SENP3: variants seen among roughly 807,000 people sequenced by gnomAD.
SENP3 encodes sentrin-specific protease 3.
Under a neutral mutation model 66.2 loss-of-function variants are expected in SENP3, and 11 were observed. The observed-to-expected ratio is 0.17, with a 90% CI of 0.10 to 0.28. The LOEUF (loss-of-function observed/expected upper bound fraction) is 0.28. Among genes scored for constraint, SENP3 ranks in the 10% least tolerant of loss-of-function variants. The pLI is 1.00. For synonymous variants in SENP3, 292 were observed against 277.6 expected (o/e 1.05, Z -0.52); for missense variants, 548 against 743.7 (o/e 0.74, Z 3.06).
chr17:7,566,222 T>TCC (rs2071266529), intron 6 of SENP3, among the ~76,000 whole-genome samples: 1 of 150,886 alleles, frequency 6.6e-6, no homozygotes, highest in African/African-American at 2.4e-5. Context: ...ATGCCTATAA[T>TCC]CCCAGTTACT....
Position 7,564,947 on chromosome 17 carries a change from C to G in SENP3, c.956-12C>G, listed in dbSNP as rs2071256463. On this transcript the variant is annotated splice_polypyrimidine_tract_variant and intron_variant, in intron 3 of 10. Transcript: ENST00000321337. ...TGGAGGCCTCACCCCCTCCTCTCTC[C>G]CTTTCCACCAGGCATCTTGGACGAA... 2 of 1,612,024 alleles carry G rather than the reference C, an allele frequency of 1.2e-6. No individual in the cohort carries two copies. Among genetic ancestry groups the G allele is most frequent in the South Asian group, 1.1e-5 (1 of 91,046 alleles).
intron 4 of SENP3, 43 bp from the exon 5 acceptor site, chr17:7,565,397 A>G: frequency 6.2e-7 from 1 of 1,607,560 alleles, no homozygotes; most frequent in Non-Finnish European, 8.5e-7. Context: ...TGTGTGCCCC[A>G]GCTGCATCAT....
At chr17:7,567,897 T>G (rs544384896) in intron 7 of SENP3, among the ~76,000 whole-genome samples, 162 of 152,112 alleles carry the variant, frequency 1.1e-3, no homozygotes, top group African/African-American at 2.0e-3. Flanking sequence ...AATGACAGAT[T>G]GAAAGGGGGG....
At chr17:7,565,794 G>A in intron 6 of SENP3, 30 bp downstream of exon 6, 1 of 1,606,798 alleles carries the variant, frequency 6.2e-7, no homozygotes, top group Non-Finnish European at 8.5e-7. Context: ...TCAGTACCCA[G>A]AGGAACTTCT....
At position 7,570,956 on chromosome 17, in the gene SENP3, T is replaced by A. The variant is rs1158555164; in HGVS notation, c.1614+23T>A. Reference sequence around the variant, plus strand: ...CAGGTAAGCAGATGATGGGGCCACCTCCCCTAGCTCTGAAGTCAGTTGGGT... The same window carrying A: ...CAGGTAAGCAGATGATGGGGCCACCACCCCTAGCTCTGAAGTCAGTTGGGT... On this transcript the variant is annotated intron_variant, in intron 10 of 10. Coordinates refer to ENST00000321337, the MANE Select transcript of SENP3 (RefSeq NM_015670.6). The surrounding 1 kb of genome is among the most constrained non-coding windows in gnomAD (Gnocchi z 5.4). 1 of 1,608,766 alleles carries A rather than the reference T, an allele frequency of 6.2e-7. No homozygotes were observed. Among genetic ancestry groups the A allele is most frequent in the South Asian group, 1.1e-5 (1 of 90,408 alleles).
In SENP3 at chr17:7,563,901, G is replaced by A. The variant is rs1035619812; in HGVS notation, c.715+110G>A. ...TGAGAGCTGGGCTTAAGGAAAGTAG[G>A]ATGGAAGAGTGCCGGCTCCAGAAGA... is the stretch of plus-strand genomic sequence containing the variant. On this transcript the variant is annotated intron_variant, in intron 2 of 10. Coordinates refer to ENST00000321337, the MANE Select transcript of SENP3 (RefSeq NM_015670.6). 6.4e-6 allele frequency: 6 copies of A among 942,140 alleles called. No individual in the cohort carries two copies. The African/African-American group carries it at 8.4e-5, about 13-fold the overall frequency. The allele number at this position is 942,140 out of a possible 1,614,324, so 58.4% of individuals were successfully genotyped here.
intron 7 of SENP3, among the ~76,000 whole-genome samples, chr17:7,567,705 G>A (rs2071278872): frequency 1.3e-5 from 2 of 152,140 alleles, no homozygotes; most frequent in Non-Finnish European, 2.9e-5. Context: ...GGGCTTGTGG[G>A]GGTGACCTGT....
chr17:7,571,298 A>G (rs1194290631), intron 10 of SENP3, 75 bp from the exon 11 acceptor site: 1 of 1,111,256 alleles, frequency 9.0e-7, no homozygotes, highest in African/African-American at 1.5e-5. Flanking sequence ...AAGGATGGAG[A>G]CACATCTCAT....
rs4602096 is a variant in SENP3 at position 7,570,139 on chromosome 17, C to T, written c.1342-217C>T. 6.6e-6 allele frequency among the ~76,000 whole-genome samples: 1 copy of T among 151,852 alleles called. No homozygotes were observed. The highest frequency in any genetic ancestry group is 2.4e-5 in the African/African-American group (1 of 41,286). Reference sequence around the variant, plus strand: ...AAGCGCCTGCCCATCATGGGTTCTCCAGTGTTCGTTCTGATGTCTCCTCCA... The same window carrying T: ...AAGCGCCTGCCCATCATGGGTTCTCTAGTGTTCGTTCTGATGTCTCCTCCA... On this transcript the variant is annotated intron_variant, in intron 7 of 10. Coordinates refer to ENST00000321337, the MANE Select transcript of SENP3 (RefSeq NM_015670.6). This position sits in a 1 kb window ranked among gnomAD's most constrained non-coding sequence, Gnocchi z 5.4.
At chr17:7,568,401 G>A (rs2071284384) in intron 7 of SENP3, among the ~76,000 whole-genome samples, 1 of 152,210 alleles carries the variant, frequency 6.6e-6, no homozygotes, top group Non-Finnish European at 1.5e-5. Flanking sequence ...ATTGAGACCA[G>A]CCTGGCCGAC....
intron 7 of SENP3, among the ~76,000 whole-genome samples, chr17:7,568,142 A>G (rs1281868974): frequency 1.3e-5 from 2 of 150,942 alleles, no homozygotes; most frequent in African/African-American, 4.9e-5. Flanking sequence ...TGTGCTGATG[A>G]GTTGATTCAT....
At position 7,565,557 on chromosome 17, in the gene SENP3, C is replaced by G. The variant is rs751546337; in HGVS notation, c.1185C>G (p.Thr395=). 8 of 1,613,870 alleles carry G rather than the reference C, an allele frequency of 5.0e-6. No homozygotes were observed. Among genetic ancestry groups the G allele is most frequent in the Non-Finnish European group, 6.8e-6 (8 of 1,179,860 alleles). ...TGCTGACCATGGATGACTTGGGGAC[C>G]TTGTATGGACAGAACTGGCTCAATG... is the stretch of plus-strand genomic sequence containing the variant. ...RHVLTMDDLG[T]LYGQNWLNDQ... Residue 395 remains threonine (T), a synonymous_variant, in exon 5 of 11, where the codon ACC becomes ACG. Transcript: ENST00000321337.
rs761030262 is a variant in SENP3, at chr17:7,564,955, C to T, written c.956-4C>T. 26 of 1,612,000 alleles carry T rather than the reference C, an allele frequency of 1.6e-5. No individual in the cohort carries two copies. Among genetic ancestry groups the T allele is most frequent in the Non-Finnish European group, 8.5e-7 (1 of 1,178,306 alleles). ...TCACCCCCTCCTCTCTCCCTTTCCA[C>T]CAGGCATCTTGGACGAATTCCTTCA... On this transcript the variant is annotated splice_region_variant and splice_polypyrimidine_tract_variant and intron_variant, in intron 3 of 10. Coordinates refer to ENST00000321337, the MANE Select transcript of SENP3 (RefSeq NM_015670.6).
Position 7,571,769 on chromosome 17 carries a change from G to C in SENP3, c.*286G>C, listed in dbSNP as rs556372869. 4 of 197,222 alleles carry C rather than the reference G, an allele frequency of 2.0e-5. No individual in the cohort carries two copies. The highest frequency in any genetic ancestry group is 4.1e-5 in the Non-Finnish European group (4 of 98,020). 12.2% of individuals were successfully genotyped at this position (197,222 alleles called of 1,614,324 possible). ...TCATCCTCCCCCTTCCCCGTGCAGG[G>C]AGCAGGAAATCAGTGCTGGGGGTGG... On this transcript the variant is annotated 3_prime_UTR_variant, in exon 11 of 11. Coordinates refer to ENST00000321337, the MANE Select transcript of SENP3 (RefSeq NM_015670.6).
Position 7,563,413 on chromosome 17 carries a change from C to G in SENP3, c.337C>G (p.Pro113Ala). The change falls in exon 2 of 11, where the codon CCT becomes GCT. Residue 113 changes from proline to alanine, a missense_variant. By Grantham distance (27) the Pro-to-Ala change is conservative. Around this residue, in one of 6 missense-constraint regions of SENP3, gnomAD observed 164 missense variants for 167.9 expected, o/e 0.98. Coordinates refer to ENST00000321337, the MANE Select transcript of SENP3 (RefSeq NM_015670.6). ...SQLGTSQRPR[P>A]SRPTHRKTCS... is the part of the protein sequence containing the mutation. Reference sequence around the variant, plus strand: ...GCTGGGAACCTCCCAGCGGCCCCGCCCTTCCCGCCCCACTCATCGAAAAAC... The same window carrying G: ...GCTGGGAACCTCCCAGCGGCCCCGCGCTTCCCGCCCCACTCATCGAAAAAC... 6.5e-7 allele frequency: 1 copy of G among 1,538,410 alleles called. No homozygotes were observed.
intron 10 of SENP3, among the ~76,000 whole-genome samples, chr17:7,571,160 G>C (rs1381923518): frequency 6.6e-6 from 1 of 152,170 alleles, no homozygotes; most frequent in African/African-American, 2.4e-5. Flanking sequence ...AGAGCTCCCT[G>C]CTAACCTCCA....
chr17:7,570,667 C>G lies in SENP3; in HGVS notation c.1480-14C>G. The G allele has an allele frequency of 6.2e-7, 1 of 1,610,194 alleles. No homozygotes were observed. The highest frequency in any genetic ancestry group is 8.5e-7 in the Non-Finnish European group (1 of 1,177,950). On this transcript the variant is annotated splice_polypyrimidine_tract_variant and intron_variant, in intron 8 of 10. Coordinates refer to ENST00000321337, the MANE Select transcript of SENP3 (RefSeq NM_015670.6). This position sits in a 1 kb window ranked among gnomAD's most constrained non-coding sequence, Gnocchi z 5.4. ...AAACTTAGGGCATCACTTTCTTTTC[C>G]CCCATCCACATAGCATATTGCCAAG...
intron 2 of SENP3, chr17:7,564,375 A>T (rs1245479351): frequency 1.5e-6 from 1 of 658,376 alleles, no homozygotes; most frequent in Non-Finnish European, 2.7e-6. Context: ...TTCATTTCTA[A>T]ATGCTAATCC....
At position 7,570,609 on chromosome 17, in the gene SENP3, A is replaced by G; in HGVS notation, c.1480-72A>G. Reference sequence around the variant, plus strand: ...GGGCGACCTGGGCATGGTGTCTGCCAGCACTGTACCCACCATACTGTGTTC... The same window carrying G: ...GGGCGACCTGGGCATGGTGTCTGCCGGCACTGTACCCACCATACTGTGTTC... On this transcript the variant is annotated intron_variant, in intron 8 of 10. Transcript: ENST00000321337. The surrounding 1 kb of genome is among the most constrained non-coding windows in gnomAD (Gnocchi z 5.4). The G allele has an allele frequency of 6.4e-7, 1 of 1,571,524 alleles. No individual in the cohort carries two copies. The highest frequency in any genetic ancestry group is 1.1e-5 in the South Asian group (1 of 87,512).
Sources: allele counts gnomAD v4.1 joint callset (sites outside exome capture counted in the v4.1 genomes callset), GRCh38; gene constraint gnomAD v4.1.1; regional missense constraint gnomAD v4.1.1; non-coding constraint Gnocchi (gnomAD v3.1); transcripts MANE v1.5; gene names NCBI Gene and HGNC (gene_info 2026-07-23, HGNC 2026-07-21).